DSCAM: variants seen among roughly 807,000 people sequenced by gnomAD.
DSCAM encodes DS cell adhesion molecule.
DSCAM carries 47 observed loss-of-function variants against 217.7 expected under a neutral mutation model. The observed-to-expected ratio is 0.22, with a 90% CI of 0.17 to 0.28. The LOEUF (loss-of-function observed/expected upper bound fraction) is 0.28. Ranked by LOEUF, DSCAM falls within the 10% of genes least tolerant of loss-of-function variation. The pLI is 1.00. For missense variants in DSCAM, 2,080 were observed against 2,618.3 expected (o/e 0.79, Z 4.49); for synonymous variants, 1,056 against 1,015.3 (o/e 1.04, Z -0.76).
intron 3 of DSCAM, among the ~76,000 whole-genome samples, chr21:40,643,099 G>A (rs1284958893): frequency 1.3e-5 from 2 of 152,136 alleles, no homozygotes; most frequent in African/African-American, 4.8e-5. Context: ...GGTAGATGAA[G>A]AGACACTAGA....
rs114960563 is a variant in DSCAM at position 40,083,053 on chromosome 21, T to C, written c.4231+855A>G. Among the ~76,000 whole-genome samples, 394 of 152,330 alleles carry C rather than the reference T, an allele frequency of 2.6e-3. 1 individual carries two copies. Among genetic ancestry groups the C allele is most frequent in the African/African-American group, 9.3e-3 (387 of 41,590 alleles). On this transcript the variant is annotated intron_variant, in intron 24 of 32. Coordinates refer to ENST00000400454, the MANE Select transcript of DSCAM (RefSeq NM_001389.5). ...CCCGGCCCTGGGACCTCCTTTATGG[T>C]ACAGGCCCTCTTTCCTGTGTATCTT...
chr21:40,197,332 A>G (rs1326962946), intron 11 of DSCAM, among the ~76,000 whole-genome samples: 3 of 152,004 alleles, frequency 2.0e-5, no homozygotes, highest in African/African-American at 7.3e-5. Context: ...GTTAGCCAGG[A>G]TGGTCTCGAT....
chr21:40,317,946 T>C (rs1172957626), intron 8 of DSCAM, among the ~76,000 whole-genome samples: 1 of 152,202 alleles, frequency 6.6e-6, no homozygotes, highest in Non-Finnish European at 1.5e-5. Flanking sequence ...AAGAATGACT[T>C]AGTTTACTGA....
chr21:40,288,083 G>T (rs2073849278), intron 10 of DSCAM, among the ~76,000 whole-genome samples: 1 of 152,154 alleles, frequency 6.6e-6, no homozygotes. Flanking sequence ...CATTACCCTT[G>T]CTGGGAGAAG....
intron 1 of DSCAM, among the ~76,000 whole-genome samples, chr21:40,764,411 A>G (rs892177106): frequency 6.6e-6 from 1 of 152,172 alleles, no homozygotes; most frequent in African/African-American, 2.4e-5. Flanking sequence ...TACCATCTCA[A>G]GCCAGTTAGA....
At chr21:40,571,859 G>A (rs999597131) in intron 3 of DSCAM, among the ~76,000 whole-genome samples, 1 of 152,116 alleles carries the variant, frequency 6.6e-6, no homozygotes, top group African/African-American at 2.4e-5. Context: ...CAAAGTGCTG[G>A]GTTTACAGGT....
intron 10 of DSCAM, among the ~76,000 whole-genome samples, chr21:40,290,199 A>G (rs2073873933): frequency 6.6e-6 from 1 of 152,232 alleles, no homozygotes; most frequent in African/African-American, 2.4e-5. Context: ...CAGGGAAGAG[A>G]ACACTTAGAG....
intron 3 of DSCAM, among the ~76,000 whole-genome samples, chr21:40,478,361 T>A (rs2075954878): frequency 6.6e-6 from 1 of 152,164 alleles, no homozygotes; most frequent in Non-Finnish European, 1.5e-5. Flanking sequence ...AGGTAAATAT[T>A]TTTTTCTTTT....
Position 40,500,016 on chromosome 21 carries a change from C to T in DSCAM, c.509-130771G>A, listed in dbSNP as rs1357727989. ...GGATGGTCTCGATCTCCTGACCTCA[C>T]GATCCACCTGCCTCGGTCTCCCAAA... On this transcript the variant is annotated intron_variant, in intron 3 of 32. Transcript: ENST00000400454. 4.6e-5 allele frequency among the ~76,000 whole-genome samples: 7 copies of T among 151,966 alleles called. No homozygotes were observed. The South Asian group carries it at 8.3e-4, about 18-fold the overall frequency.
At chr21:40,518,587 TACAC>T (rs528816464) in intron 3 of DSCAM, among the ~76,000 whole-genome samples, 2 of 89,104 alleles carry the variant, frequency 2.2e-5, no homozygotes, top group African/African-American at 5.6e-5. Context: ...CACACACATA[TACAC>T]ACACACATAT....
intron 3 of DSCAM, among the ~76,000 whole-genome samples, chr21:40,615,983 T>A (rs72613625): frequency 0.092 from 13,963 of 151,658 alleles, 755 homozygotes; most frequent in East Asian, 0.2. Context: ...CGTTTTGAAA[T>A]CAAATCAAAC....
intron 3 of DSCAM, among the ~76,000 whole-genome samples, chr21:40,682,913 G>A (rs2837781): frequency 0.15 from 22,639 of 147,598 alleles, 1,898 homozygotes; most frequent in East Asian, 0.21. Flanking sequence ...ACTAAGAGAA[G>A]TAATTTGGAG....
intron 1 of DSCAM, among the ~76,000 whole-genome samples, chr21:40,781,886 C>T (rs1468719984): frequency 1.3e-5 from 2 of 150,834 alleles, no homozygotes; most frequent in East Asian, 3.9e-4. Flanking sequence ...CGGTGGCTCA[C>T]GCCTGTAATC....
intron 3 of DSCAM, among the ~76,000 whole-genome samples, chr21:40,448,121 A>G (rs1279354140): frequency 6.6e-6 from 1 of 152,222 alleles, no homozygotes; most frequent in African/African-American, 2.4e-5. Flanking sequence ...GTGTGTGTCA[A>G]CTTGACTGGC....
At chr21:40,381,074 A>AAAG (rs1266785170) in intron 3 of DSCAM, among the ~76,000 whole-genome samples, 8 of 147,040 alleles carry the variant, frequency 5.4e-5, no homozygotes, top group African/African-American at 2.1e-4. Context: ...AAAAAAAAAA[A>AAAG]AAAAAAAAAA....
chr21:40,656,953 C>T (rs926466188), intron 3 of DSCAM, among the ~76,000 whole-genome samples: 5 of 152,178 alleles, frequency 3.3e-5, no homozygotes, highest in South Asian at 4.1e-4. Flanking sequence ...AGCATTGTTC[C>T]ACCTTAACCC....
intron 11 of DSCAM, among the ~76,000 whole-genome samples, chr21:40,275,731 T>C (rs1045905261): frequency 6.6e-6 from 1 of 152,132 alleles, no homozygotes; most frequent in South Asian, 2.1e-4. Flanking sequence ...TCTGAGACCA[T>C]GTATTGAGTT....
intron 8 of DSCAM, among the ~76,000 whole-genome samples, chr21:40,317,471 T>C (rs2074210242): frequency 6.6e-6 from 1 of 152,194 alleles, no homozygotes; most frequent in Non-Finnish European, 1.5e-5. Flanking sequence ...ATCAAGTTTA[T>C]CTTTTTTATT....
chr21:40,115,268 C>T (rs2089955284), intron 20 of DSCAM, among the ~76,000 whole-genome samples: 1 of 151,978 alleles, frequency 6.6e-6, no homozygotes. Context: ...TTTGTAGGGA[C>T]ATGGAAGAAG....
Sources: allele counts gnomAD v4.1 joint callset (sites outside exome capture counted in the v4.1 genomes callset), GRCh38; gene constraint gnomAD v4.1.1; transcripts MANE v1.5; gene names NCBI Gene and HGNC (gene_info 2026-07-23, HGNC 2026-07-21).